The following PLAC9 variants were observed in gnomAD, a reference collection of about 807,000 sequenced individuals.
PLAC9 encodes the protein placenta associated 9.
A neutral mutation model predicts 11.5 loss-of-function variants in PLAC9; 12 were observed. The ratio of observed to expected loss-of-function variants is 1.05; its 90% confidence interval spans 0.67 to 1.69. PLAC9 has a LOEUF of 1.69. Among genes scored for constraint, PLAC9 ranks in the 40% most tolerant of loss-of-function variants. The pLI is 0.00. For synonymous variants in PLAC9, 62 were observed against 58.1 expected, an observed-to-expected ratio of 1.07 and a Z score of -0.31; for missense variants, 132 against 130.5, an observed-to-expected ratio of 1.01 and a Z score of -0.06.
At chr10:80,138,039 T>G (rs749919087) in intron 1 of PLAC9, among the ~76,000 whole-genome samples, 342 of 152,282 alleles carry the variant, frequency 2.2e-3, no homozygotes, top group Admixed American at 3.6e-3. Context: ...TCTCTCTCTC[T>G]GAATATTTTA....
At chr10:80,141,097 C>T (rs748359945) in intron 1 of PLAC9, among the ~76,000 whole-genome samples, 53 of 152,162 alleles carry the variant, frequency 3.5e-4, no homozygotes, top group African/African-American at 1.1e-3. Context: ...CTGTTACTAA[C>T]GGGTTCCCAG....
chr10:80,135,840 G>C (rs1283450920), intron 1 of PLAC9, among the ~76,000 whole-genome samples: 2 of 152,088 alleles, frequency 1.3e-5, no homozygotes, highest in African/African-American at 2.4e-5. Context: ...TATTGGATGT[G>C]GTAAATTTAT....
At chr10:80,144,829 G>T in intron 3 of PLAC9, 71 bp from the exon 4 acceptor site, 1 of 1,471,112 alleles carries the variant, frequency 6.8e-7, no homozygotes, top group Non-Finnish European at 9.1e-7. Flanking sequence ...GGAAGGAACT[G>T]CTGGGCACCA....
chr10:80,135,318 G>A (rs1488850568), intron 1 of PLAC9, among the ~76,000 whole-genome samples: 6 of 121,796 alleles, frequency 4.9e-5, no homozygotes, highest in South Asian at 2.8e-4. Flanking sequence ...CACTGCGCCC[G>A]GCCTTTTTTT....
rs1273736679 is a variant in PLAC9 at position 80,132,737 on chromosome 10, G to T, written c.-26G>T. The T allele has an allele frequency of 6.9e-7, 1 of 1,448,954 alleles. No homozygotes were observed. Among genetic ancestry groups the T allele is most frequent in the Non-Finnish European group, 9.0e-7 (1 of 1,110,184 alleles). The allele number at this position is 1,448,954 out of a possible 1,614,324, so 89.8% of individuals were successfully genotyped here. A position where few individuals can be genotyped will look rare whatever the true frequency, so the allele number is the denominator to read the frequency against. ...GGAAGGGCGGCTGCGGGCAGACGCGGCGCTGCGCTCGGCCAGGCCGGCACC... is the reference window on the plus strand; with the variant it reads ...GGAAGGGCGGCTGCGGGCAGACGCGTCGCTGCGCTCGGCCAGGCCGGCACC... On this transcript the variant is annotated 5_prime_UTR_variant, in exon 1 of 4. Coordinates refer to ENST00000372263, the MANE Select transcript of PLAC9 (RefSeq NM_001012973.3).
At chr10:80,143,967 C>G in intron 2 of PLAC9, 1 of 506,414 alleles carries the variant, frequency 2.0e-6, no homozygotes, top group Non-Finnish European at 3.6e-6. Flanking sequence ...AGGTATTCTA[C>G]AGGCGCTTCA....
At chr10:80,137,056 G>A (rs955341973) in intron 1 of PLAC9, among the ~76,000 whole-genome samples, 18 of 152,232 alleles carry the variant, frequency 1.2e-4, no homozygotes, top group African/African-American at 4.3e-4. Context: ...GCTGTGGTGA[G>A]GATGCTGGCA....
Position 80,144,308 on chromosome 10 carries a change from C to CG in PLAC9, c.251dup (p.Pro85ThrfsTer48). On this transcript the variant is annotated frameshift_variant, in exon 3 of 4. Transcript: ENST00000372263. LOFTEE classifies it high-confidence loss of function. ...GAGGAGCTGGCCTGGAACCTGCCCC[C>CG]GGGACCCTTCAGCCCCGCTCCCGAC... The CG allele has an allele frequency of 6.2e-7, 1 of 1,611,774 alleles. No individual in the cohort carries two copies. The highest frequency in any genetic ancestry group is 1.3e-5 in the African/African-American group (1 of 75,008).
chr10:80,144,603 C>T (rs1477195144), intron 3 of PLAC9, among the ~76,000 whole-genome samples: 2 of 152,036 alleles, frequency 1.3e-5, no homozygotes, highest in Non-Finnish European at 2.9e-5. Flanking sequence ...CAGCACAACC[C>T]CTGCGCGGAG....
chr10:80,144,871 G>A, intron 3 of PLAC9, 29 bp from the exon 4 acceptor site: 3 of 1,562,984 alleles, frequency 1.9e-6, no homozygotes, highest in Non-Finnish European at 2.6e-6. Flanking sequence ...ACCCCAGCTT[G>A]CTCACTGGGG....
chr10:80,133,024 G>A (rs1844930956), intron 1 of PLAC9, among the ~76,000 whole-genome samples, 198 bp downstream of exon 1: 1 of 152,168 alleles, frequency 6.6e-6, no homozygotes, highest in South Asian at 2.1e-4. Flanking sequence ...GTAGAGCAAC[G>A]GAGAGATAAA....
At chr10:80,138,951 CTTTTT>C (rs773767546) in intron 1 of PLAC9, among the ~76,000 whole-genome samples, 1 of 131,312 alleles carries the variant, frequency 7.6e-6, no homozygotes, top group Admixed American at 7.8e-5. Flanking sequence ...TGCAATATTC[CTTTTT>C]TTTTTTTTTT....
At chr10:80,142,268 G>A in intron 2 of PLAC9, 89 bp downstream of exon 2, 2 of 1,137,452 alleles carry the variant, frequency 1.8e-6, no homozygotes, top group Non-Finnish European at 2.5e-6. Flanking sequence ...GCTTTGGAAT[G>A]TGAGGACATC....
chr10:80,139,239 A>T (rs547665185), intron 1 of PLAC9, among the ~76,000 whole-genome samples: 3 of 152,222 alleles, frequency 2.0e-5, no homozygotes, highest in African/African-American at 7.2e-5. Flanking sequence ...GGCGTGAGCC[A>T]CCGCGCCTGG....
At chr10:80,139,211 C>G (rs896307829) in intron 1 of PLAC9, among the ~76,000 whole-genome samples, 1 of 152,170 alleles carries the variant, frequency 6.6e-6, no homozygotes. Context: ...CTCGGCCTCC[C>G]AAAGTGCTGG....
upstream of PLAC9, among the ~76,000 whole-genome samples, chr10:80,132,161 TC>T (rs201061403): frequency 6.9e-5 from 8 of 115,602 alleles, no homozygotes; most frequent in East Asian, 6.9e-3. Flanking sequence ...TTTTACCTTT[TC>T]TTTTTAAAAT....
chr10:80,134,330 C>T (rs1026860316), intron 1 of PLAC9, among the ~76,000 whole-genome samples: 4 of 148,940 alleles, frequency 2.7e-5, no homozygotes, highest in African/African-American at 9.9e-5. Flanking sequence ...GTGGCACAAT[C>T]TCAGCTCACT....
intron 1 of PLAC9, among the ~76,000 whole-genome samples, chr10:80,133,265 G>A (rs1202822648): frequency 6.6e-6 from 1 of 152,226 alleles, no homozygotes; most frequent in Non-Finnish European, 1.5e-5. Flanking sequence ...GAAGCTCGAT[G>A]CCCGGAGTAG....
At chr10:80,141,462 G>T (rs572899461) in intron 1 of PLAC9, among the ~76,000 whole-genome samples, 2 of 152,116 alleles carry the variant, frequency 1.3e-5, no homozygotes, top group African/African-American at 4.8e-5. Flanking sequence ...AGCAGGGCGT[G>T]GTGGCAGGTG....
Sources: allele counts gnomAD v4.1 joint callset (sites outside exome capture counted in the v4.1 genomes callset), GRCh38; gene constraint gnomAD v4.1.1; transcripts MANE v1.5; gene names NCBI Gene and HGNC (gene_info 2026-07-23, HGNC 2026-07-21).